DNAH5: variants seen among roughly 807,000 people sequenced by gnomAD.
DNAH5 encodes the protein dynein axonemal heavy chain 5.
In DNAH5, 372 loss-of-function variants were observed where a neutral mutation model predicts 518.2. The observed-to-expected ratio is 0.72, with a 90% CI of 0.66 to 0.78. The LOEUF (loss-of-function observed/expected upper bound fraction) is 0.78, where lower values mean the gene tolerates loss of function less well. Among genes scored for constraint, DNAH5 ranks in the 30% least tolerant of loss-of-function variants. DNAH5 has a pLI of 0.00. For synonymous variants in DNAH5, 2,039 were observed against 2,025.9 expected, an observed-to-expected ratio of 1.01 and a Z score of -0.17; for missense variants, 5,523 against 5,687.0, an observed-to-expected ratio of 0.97 and a Z score of 0.93.
intron 12 of DNAH5, among the ~76,000 whole-genome samples, chr5:13,910,985 C>G (rs925667327): frequency 2.6e-5 from 4 of 152,214 alleles, no homozygotes; most frequent in Admixed American, 2.6e-4. Context: ...AGGCCAGTGG[C>G]AGCCCTGCCT....
At chr5:13,844,722 A>G in intron 32 of DNAH5, 115 bp downstream of exon 32, 1 of 1,337,340 alleles carries the variant, frequency 7.5e-7, no homozygotes, top group Non-Finnish European at 1.1e-6. Flanking sequence ...ACTGGCCAAG[A>G]GCTAATGAAC....
rs1783183754 is a variant in DNAH5 at position 13,988,017 on chromosome 5, G to A, written c.12+23631C>T. On this transcript the variant is annotated intron_variant, in intron 1 of 78. Coordinates refer to the DNAH5 transcript ENST00000681290. ...TCAAATTCAAAGAAGCCATTTCATG[G>A]GAAGCCGCTAGGTGGTGAGCTTTCA... 3.9e-5 allele frequency among the ~76,000 whole-genome samples: 6 copies of A among 152,166 alleles called. No individual in the cohort carries two copies. The South Asian group carries it at 1.2e-3, about 32-fold the overall frequency.
intron 60 of DNAH5, among the ~76,000 whole-genome samples, chr5:13,761,070 G>C (rs533780561): frequency 6.6e-6 from 1 of 152,182 alleles, no homozygotes; most frequent in Admixed American, 6.5e-5. Flanking sequence ...AAATAAAAAG[G>C]TTCCCACTAC....
chr5:14,004,333 A>G (rs779888487), intron 1 of DNAH5, among the ~76,000 whole-genome samples: 10 of 152,206 alleles, frequency 6.6e-5, no homozygotes, highest in Non-Finnish European at 1.3e-4. Flanking sequence ...GCTGCGGGCT[A>G]GCTAATTAAA....
At chr5:13,922,022 C>T in intron 5 of DNAH5, 85 bp downstream of exon 5, 1 of 1,399,076 alleles carries the variant, frequency 7.1e-7, no homozygotes, top group Non-Finnish European at 1.0e-6. Flanking sequence ...GGAATTAAGA[C>T]CATCTAAGAG....
intron 1 of DNAH5, among the ~76,000 whole-genome samples, chr5:13,983,053 C>T (rs528417052): frequency 6.6e-6 from 1 of 152,350 alleles, no homozygotes; most frequent in African/African-American, 2.4e-5. Flanking sequence ...GATTGTCAAG[C>T]CTGCTGCAAA....
chr5:13,737,128 C>T (rs2126618704), intron 66 of DNAH5, 124 bp downstream of exon 66: 1 of 1,489,310 alleles, frequency 6.7e-7, no homozygotes, highest in Non-Finnish European at 9.3e-7. Flanking sequence ...AACAGAAATT[C>T]CACAAAACAC....
intron 12 of DNAH5, among the ~76,000 whole-genome samples, chr5:13,907,241 G>T (rs533950675): frequency 3.9e-5 from 6 of 152,122 alleles, no homozygotes; most frequent in Non-Finnish European, 8.8e-5. Flanking sequence ...GACCAGTCTG[G>T]CCAACATGCT....
In DNAH5 at chr5:13,844,960, C is replaced by T. The variant is rs771358723; in HGVS notation, c.5148G>A (p.Arg1716=). The change falls in exon 32 of 79, where the codon CGG becomes CGA. Residue 1716 remains arginine, a synonymous_variant. Transcript: ENST00000265104. ...GGGCAGGATCTGAGACGAAGAAAAA[C>T]CGAGGAAAGCACAGTCGTTTTTTCT... ...YLEKKRLCFP[R]FFFVSDPALL... is the part of the protein sequence containing the mutation. 1.9e-6 allele frequency: 3 copies of T among 1,614,062 alleles called. No individual in the cohort carries two copies. The highest frequency in any genetic ancestry group is 3.3e-5 in the Admixed American group (2 of 60,010).
intron 30 of DNAH5, among the ~76,000 whole-genome samples, chr5:13,854,153 C>G (rs1767272574): frequency 6.6e-6 from 1 of 152,106 alleles, no homozygotes; most frequent in African/African-American, 2.4e-5. Context: ...AAGGGAAGCC[C>G]ATTAGACTAA....
chr5:13,956,178 A>AT (rs1285568805), intron 1 of DNAH5, among the ~76,000 whole-genome samples: 1 of 152,172 alleles, frequency 6.6e-6, no homozygotes, highest in Non-Finnish European at 1.5e-5. Flanking sequence ...CCCGAATCTT[A>AT]TGATTCCCTT....
chr5:13,778,786 C>G (rs1754640787), intron 53 of DNAH5, among the ~76,000 whole-genome samples: 1 of 152,142 alleles, frequency 6.6e-6, no homozygotes, highest in Admixed American at 6.5e-5. Context: ...GCCTTAGCCA[C>G]ATGGCTATAC....
chr5:14,007,331 C>T (rs1784789660), intron 1 of DNAH5, among the ~76,000 whole-genome samples: 2 of 152,196 alleles, frequency 1.3e-5, no homozygotes, highest in Admixed American at 1.3e-4. Flanking sequence ...TTTCAGCCTT[C>T]CAAGAGTATG....
intron 23 of DNAH5, 49 bp downstream of exon 23, chr5:13,871,515 G>T: frequency 6.7e-7 from 1 of 1,490,858 alleles, no homozygotes; most frequent in Non-Finnish European, 9.4e-7. Flanking sequence ...TAAAGAGGCA[G>T]AACAATAATG....
Position 13,864,476 on chromosome 5 carries a change from C to T in DNAH5, c.4517G>A (p.Ser1506Asn). 2 of 1,614,148 alleles carry T rather than the reference C, an allele frequency of 1.2e-6. No homozygotes were observed. Among genetic ancestry groups the T allele is most frequent in the Non-Finnish European group, 1.7e-6 (2 of 1,180,008 alleles). Residue 1506 changes from serine (S) to asparagine (N), a missense_variant, in exon 28 of 79, where the codon AGT (serine) becomes AAT (asparagine). Around this residue, in one of 3 missense-constraint regions of DNAH5, gnomAD observed 5,121 missense variants for 5,223.3 expected, o/e 0.98. Transcript: ENST00000265104. Reference sequence around the variant, plus strand: ...AAAGCTTTCATTCCCCACATCCAGACTGTGCCCGGTGAGGGTGGTTATCCT... The same window carrying T: ...AAAGCTTTCATTCCCCACATCCAGATTGTGCCCGGTGAGGGTGGTTATCCT... Reference protein sequence around the residue: ...WERITTLTGHSLDVGNESFKL... With the variant: ...WERITTLTGHNLDVGNESFKL...
At chr5:13,972,379 T>G (rs1189378825) in intron 1 of DNAH5, among the ~76,000 whole-genome samples, 7 of 152,140 alleles carry the variant, frequency 4.6e-5, no homozygotes, top group South Asian at 2.1e-4. Flanking sequence ...TGGTCAAAAT[T>G]GTTACAAAGT....
In DNAH5 at chr5:13,868,004, T is replaced by C. The variant is rs756505987; in HGVS notation, c.3835-12A>G. 1.9e-6 allele frequency: 3 copies of C among 1,553,148 alleles called. No individual in the cohort carries two copies. ...AGGGCATAAGATTCCTAAAAAAAAA[T>C]AGGAAAAACTTAATTTTGGCCAGTC... On this transcript the variant is annotated splice_polypyrimidine_tract_variant and intron_variant, in intron 24 of 78. Transcript: ENST00000265104.
rs1354189 is a variant in DNAH5, at chr5:13,727,893, A to G, written c.11884-237T>C. Among the ~76,000 whole-genome samples the G allele has an allele frequency of 0.64, 96,652 of 151,994 alleles. 31,096 individuals carry two copies. The highest frequency in any genetic ancestry group is 0.73 in the African/African-American group (30,476 of 41,470). On this transcript the variant is annotated intron_variant, in intron 69 of 78. Transcript: ENST00000265104. ...ACTACATTTCAAAGTAGGGAGAGTCATGGGATATTTAATTTCTTCTATGCC... is the reference window on the plus strand; with the variant it reads ...ACTACATTTCAAAGTAGGGAGAGTCGTGGGATATTTAATTTCTTCTATGCC...
At chr5:13,706,135 C>T (rs1165143778) in intron 76 of DNAH5, among the ~76,000 whole-genome samples, 1 of 152,228 alleles carries the variant, frequency 6.6e-6, no homozygotes, top group Non-Finnish European at 1.5e-5. Flanking sequence ...TCTACCTTCC[C>T]AGGCCTACTC....
Sources: gnomAD v4.1 joint callset for allele counts (sites outside exome capture counted in the v4.1 genomes callset) on GRCh38, gnomAD v4.1.1 for gene constraint, gnomAD v4.1.1 regional missense constraint, MANE v1.5 for transcripts, NCBI Gene and HGNC (gene_info 2026-07-23, HGNC 2026-07-21) for gene names.